ADARB2: variants seen among roughly 807,000 people sequenced by gnomAD.
The protein encoded by ADARB2 is inactive double-stranded RNA-specific editase B2.
In ADARB2, 25 loss-of-function variants were observed where a neutral mutation model predicts 62.2. The observed-to-expected ratio is 0.40, with a 90% CI of 0.29 to 0.56. The LOEUF is 0.56. ADARB2 is among the 20% of genes least tolerant of loss of function. ADARB2 has a pLI of 0.43. For synonymous variants in ADARB2, 572 were observed against 500.8 expected (o/e 1.14, Z -1.90); for missense variants, 1,071 against 1,077.4 (o/e 0.99, Z 0.08).
At chr10:1,523,893 CTTGT>C (rs1832105705) in intron 1 of ADARB2, among the ~76,000 whole-genome samples, 2 of 152,286 alleles carry the variant, frequency 1.3e-5, no homozygotes, top group African/African-American at 2.4e-5. Context: ...TATTGAATAG[CTTGT>C]TTCTTTCTCT....
chr10:1,581,915 C>T (rs1434300365), intron 1 of ADARB2, among the ~76,000 whole-genome samples: 2 of 152,014 alleles, frequency 1.3e-5, no homozygotes, highest in East Asian at 3.9e-4. Context: ...ATGCTAAGTA[C>T]ACAGTGGCTG....
chr10:1,564,694 A>G (rs1299633079), intron 1 of ADARB2, among the ~76,000 whole-genome samples: 1 of 152,216 alleles, frequency 6.6e-6, no homozygotes, highest in African/African-American at 2.4e-5. Flanking sequence ...AGAAATGCAA[A>G]TCAAAACCAC....
intron 1 of ADARB2, among the ~76,000 whole-genome samples, chr10:1,492,337 G>T (rs918807021): frequency 9.9e-5 from 15 of 152,142 alleles, no homozygotes; most frequent in Non-Finnish European, 2.2e-4. Context: ...TTGGGTCCTA[G>T]CTCGTTAAGA....
Position 1,362,957 on chromosome 10 carries a change from C to G in ADARB2, c.1077+71G>C, listed in dbSNP as rs1257661452. 7 of 1,243,140 alleles carry G rather than the reference C, an allele frequency of 5.6e-6. No individual in the cohort carries two copies. The South Asian group carries it at 2.0e-4, about 35-fold the overall frequency. 77.0% of individuals were successfully genotyped at this position (1,243,140 alleles called of 1,614,324 possible). ...CGAGAAGCCTGGACGCCACTCCCAA[C>G]AGGGAAAGGTCGGGGTCTCCCCCGC... On this transcript the variant is annotated intron_variant, in intron 3 of 9. Coordinates refer to ENST00000381312, the MANE Select transcript of ADARB2 (RefSeq NM_018702.4).
At chr10:1,502,038 G>A (rs536274314) in intron 1 of ADARB2, among the ~76,000 whole-genome samples, 10 of 152,342 alleles carry the variant, frequency 6.6e-5, no homozygotes, top group South Asian at 6.2e-4. Context: ...AACTGCAATC[G>A]TGAGGAAACT....
chr10:1,648,267 C>G (rs1588337823), intron 1 of ADARB2, among the ~76,000 whole-genome samples: 1 of 152,176 alleles, frequency 6.6e-6, no homozygotes, highest in Non-Finnish European at 1.5e-5. Flanking sequence ...TAGTAACAGT[C>G]TCTTCAAAGC....
chr10:1,284,391 T>G (rs1267505200), intron 3 of ADARB2, among the ~76,000 whole-genome samples: 1 of 152,034 alleles, frequency 6.6e-6, no homozygotes, highest in South Asian at 2.1e-4. Flanking sequence ...GCACCCTAGA[T>G]GTAAGGTGAA....
intron 6 of ADARB2, among the ~76,000 whole-genome samples, chr10:1,223,257 C>A (rs1464524027): frequency 1.3e-5 from 2 of 152,096 alleles, no homozygotes; most frequent in African/African-American, 2.4e-5. Context: ...GATTTTTGTA[C>A]ATTGATTTTG....
At chr10:1,373,790 CCGCG>C (rs1832396047) in intron 2 of ADARB2, among the ~76,000 whole-genome samples, 2 of 85,470 alleles carry the variant, frequency 2.3e-5, no homozygotes, top group South Asian at 4.0e-4. Context: ...CACGTGGACT[CCGCG>C]CACCTTTCCT....
chr10:1,630,694 AG>A (rs1833830823), intron 1 of ADARB2, among the ~76,000 whole-genome samples: 1 of 152,200 alleles, frequency 6.6e-6, no homozygotes, highest in Non-Finnish European at 1.5e-5. Flanking sequence ...TCTGGATTAC[AG>A]AAATATGAAG....
At chr10:1,319,069 G>C (rs1831771654) in intron 3 of ADARB2, among the ~76,000 whole-genome samples, 1 of 152,218 alleles carries the variant, frequency 6.6e-6, no homozygotes, top group South Asian at 2.1e-4. Flanking sequence ...CTCAGATGCT[G>C]ACCCATGCCA....
At chr10:1,566,882 A>G (rs1832866774) in intron 1 of ADARB2, among the ~76,000 whole-genome samples, 1 of 152,244 alleles carries the variant, frequency 6.6e-6, no homozygotes, top group African/African-American at 2.4e-5. Context: ...AATTTTTATG[A>G]ACAGAAAATA....
In ADARB2 at chr10:1,510,110, C is replaced by CTTTCTTTCTTTCTTTCTT; in HGVS notation, c.101-130951_101-130950insAAGAAAGAAAGAAAGAAA. Among the ~76,000 whole-genome samples, 3 of 106,252 alleles carry CTTTCTTTCTTTCTTTCTT rather than the reference C, an allele frequency of 2.8e-5. No individual in the cohort carries two copies. The South Asian group carries it at 1.1e-3, about 39-fold the overall frequency. The allele number at this position is 106,252 out of a possible 152,430, so 69.7% of individuals were successfully genotyped here. A position where few individuals can be genotyped will look rare whatever the true frequency, so the allele number is the denominator to read the frequency against. On this transcript the variant is annotated intron_variant, in intron 1 of 9. Coordinates refer to ENST00000381312, the MANE Select transcript of ADARB2 (RefSeq NM_018702.4). ...CTCTCTCTCTCTTTTCTTTCTTTCT[C>CTTTCTTTCTTTCTTTCTT]TCTTTCTTTCTTTCTTTCTTTCTTT...
At chr10:1,589,919 G>A (rs887136207) in intron 1 of ADARB2, among the ~76,000 whole-genome samples, 12 of 152,208 alleles carry the variant, frequency 7.9e-5, no homozygotes, top group African/African-American at 2.4e-4. Context: ...TGATGCACCC[G>A]CCTTGGCCTC....
intron 1 of ADARB2, among the ~76,000 whole-genome samples, chr10:1,437,248 A>G (rs967116889): frequency 6.1e-3 from 287 of 47,238 alleles, no homozygotes; most frequent in Non-Finnish European, 9.6e-3. Context: ...ACACACATAT[A>G]TATACACACA....
At chr10:1,401,350 C>A (rs901397556) in intron 1 of ADARB2, among the ~76,000 whole-genome samples, 1 of 152,210 alleles carries the variant, frequency 6.6e-6, no homozygotes, top group Admixed American at 6.5e-5. Context: ...TGGAACACCC[C>A]GGCCTTCGGT....
intron 3 of ADARB2, among the ~76,000 whole-genome samples, chr10:1,339,484 A>T (rs1832003371): frequency 6.6e-6 from 1 of 152,186 alleles, no homozygotes; most frequent in Non-Finnish European, 1.5e-5. Flanking sequence ...TTTCACTTTC[A>T]TCTTGCCTCT....
intron 1 of ADARB2, among the ~76,000 whole-genome samples, chr10:1,530,788 C>T (rs1025334280): frequency 1.3e-5 from 2 of 152,192 alleles, no homozygotes. Context: ...TATGCCTTTG[C>T]CTTGAGGCTT....
At chr10:1,272,458 C>T (rs1457713295) in intron 3 of ADARB2, among the ~76,000 whole-genome samples, 1 of 152,246 alleles carries the variant, frequency 6.6e-6, no homozygotes, top group East Asian at 1.9e-4. Flanking sequence ...AAACATGCCA[C>T]AAAACAACCT....
Sources: gnomAD v4.1 joint callset for allele counts (sites outside exome capture counted in the v4.1 genomes callset) on GRCh38, gnomAD v4.1.1 for gene constraint, MANE v1.5 for transcripts, NCBI Gene and HGNC (gene_info 2026-07-23, HGNC 2026-07-21) for gene names.